GABBR2: variants seen among roughly 807,000 people sequenced by gnomAD.
GABBR2 encodes gamma-aminobutyric acid type B receptor subunit 2.
In GABBR2, 23 loss-of-function variants were observed where a neutral mutation model predicts 105.6. That is an observed-to-expected ratio of 0.22 (90% confidence interval 0.16 to 0.31). GABBR2 has a LOEUF of 0.31. Among genes scored for constraint, GABBR2 ranks in the 10% least tolerant of loss-of-function variants. The pLI is 1.00. For synonymous variants in GABBR2, 478 were observed against 499.7 expected, an observed-to-expected ratio of 0.96 and a Z score of 0.58; for missense variants, 734 against 1,245.5, an observed-to-expected ratio of 0.59 and a Z score of 6.18.
chr9:98,415,646 T>C (rs1258507898), intron 7 of GABBR2, among the ~76,000 whole-genome samples: 7 of 152,190 alleles, frequency 4.6e-5, no homozygotes, highest in Non-Finnish European at 1.5e-5. Context: ...TATTTAAGAT[T>C]TTTTTCCCCT....
intron 3 of GABBR2, among the ~76,000 whole-genome samples, chr9:98,539,546 C>T (rs147526463): frequency 1.3e-5 from 2 of 152,212 alleles, no homozygotes; most frequent in Admixed American, 6.5e-5. Flanking sequence ...CCTTAGTTTC[C>T]CCTTCTACAA....
At chr9:98,641,616 T>C (rs538471242) in intron 1 of GABBR2, among the ~76,000 whole-genome samples, 2 of 152,270 alleles carry the variant, frequency 1.3e-5, no homozygotes, top group South Asian at 2.1e-4. Flanking sequence ...ATAAAGTGAG[T>C]TCCTCTTCCT....
intron 1 of GABBR2, among the ~76,000 whole-genome samples, chr9:98,629,651 CT>C: frequency 6.6e-6 from 1 of 152,320 alleles, no homozygotes; most frequent in East Asian, 1.9e-4. Context: ...GAAAGCCATG[CT>C]GTATGGAATA....
chr9:98,606,949 C>T lies in GABBR2; in HGVS notation c.322-28877G>A, dbSNP rs542093260. The T allele has an allele frequency of 2.9e-5, 21 of 720,562 alleles. No individual in the cohort carries two copies. The African/African-American group carries it at 3.1e-4, about 11-fold the overall frequency. 44.6% of individuals were successfully genotyped at this position (720,562 alleles called of 1,614,324 possible). A position where few individuals can be genotyped will look rare whatever the true frequency, so the allele number is the denominator to read the frequency against. ...TAAGAATCATCTTCTTCCTGCTTGC[C>T]CGCGGCTCCGCCTGCATCCAAACCG... On this transcript the variant is annotated intron_variant, in intron 1 of 18. Transcript: ENST00000259455.
intron 1 of GABBR2, 116 bp downstream of exon 1, chr9:98,708,301 G>A (rs997501122): frequency 9.1e-7 from 1 of 1,100,082 alleles, no homozygotes; most frequent in African/African-American, 1.6e-5. Context: ...CTCTGCCCTC[G>A]GCAGGCGCGG....
intron 3 of GABBR2, among the ~76,000 whole-genome samples, chr9:98,537,577 G>C (rs1828207428): frequency 6.6e-6 from 1 of 152,108 alleles, no homozygotes. Flanking sequence ...GGGACTATAG[G>C]TGTGCACCAT....
Position 98,306,175 on chromosome 9 carries a change from A to C in GABBR2, c.2175T>G (p.Ala725=). ...DQPNVQFCIV[A]LVIIFCSTIT... ...TGGTGCTGCAGAAGATGATGACCAG[A>C]GCCACGATGCAGAACTGCACATTGG... The change falls in exon 15 of 19, where the codon GCT becomes GCG. Residue 725 remains alanine, a synonymous_variant. Coordinates refer to ENST00000259455, the MANE Select transcript of GABBR2 (RefSeq NM_005458.8). This position sits in a 1 kb window ranked among gnomAD's most constrained non-coding sequence, Gnocchi z 5.4. The C allele has an allele frequency of 6.2e-7, 1 of 1,614,194 alleles. No individual in the cohort carries two copies. The highest frequency in any genetic ancestry group is 8.5e-7 in the Non-Finnish European group (1 of 1,180,034).
chr9:98,412,097 C>T (rs1424223299), intron 7 of GABBR2, among the ~76,000 whole-genome samples: 3 of 152,210 alleles, frequency 2.0e-5, no homozygotes, highest in Non-Finnish European at 1.5e-5. Context: ...TGGGGCCTCT[C>T]TTTTTTCCTT....
chr9:98,410,120 A>ATTT (rs564055730), intron 7 of GABBR2, among the ~76,000 whole-genome samples: 1 of 147,270 alleles, frequency 6.8e-6, no homozygotes, highest in African/African-American at 2.5e-5. Context: ...TTGAGCTGGA[A>ATTT]TTTTTTTTTT....
chr9:98,329,704 C>A (rs767738982), intron 13 of GABBR2, among the ~76,000 whole-genome samples: 3 of 152,208 alleles, frequency 2.0e-5, no homozygotes, highest in Admixed American at 1.3e-4. Flanking sequence ...CTTTGTCTCT[C>A]CCACTCTCAT....
At chr9:98,427,012 CAAACA>C (rs1825705560) in intron 7 of GABBR2, among the ~76,000 whole-genome samples, 1 of 152,110 alleles carries the variant, frequency 6.6e-6, no homozygotes, top group East Asian at 1.9e-4. Flanking sequence ...CGAAAACAAA[CAAACA>C]AAAGAGACAG....
At chr9:98,325,889 T>A (rs921773951) in intron 13 of GABBR2, among the ~76,000 whole-genome samples, 1 of 152,226 alleles carries the variant, frequency 6.6e-6, no homozygotes, top group Non-Finnish European at 1.5e-5. Flanking sequence ...CACACACCTC[T>A]TTGGTGTTCT....
chr9:98,593,286 T>C (rs1162165163), intron 1 of GABBR2, among the ~76,000 whole-genome samples: 1 of 152,218 alleles, frequency 6.6e-6, no homozygotes, highest in Non-Finnish European at 1.5e-5. Context: ...CTGGGGCTTC[T>C]CAAGAGTGCT....
rs566006875 is a variant in GABBR2 at position 98,693,656 on chromosome 9, C to T, written c.321+14761G>A. Among the ~76,000 whole-genome samples the T allele has an allele frequency of 2.4e-4, 36 of 152,326 alleles. 1 individual carries two copies. Among genetic ancestry groups the T allele is most frequent in the African/African-American group, 7.9e-4 (33 of 41,568 alleles). On this transcript the variant is annotated intron_variant, in intron 1 of 18. Transcript: ENST00000259455. ...GGGGCTTTAGAATGTCATCTGAATA[C>T]GGAGCCAGACCAGAGCTCAGAGCTG...
chr9:98,486,409 T>C (rs1368756707), intron 4 of GABBR2, among the ~76,000 whole-genome samples: 1 of 152,146 alleles, frequency 6.6e-6, no homozygotes, highest in African/African-American at 2.4e-5. Flanking sequence ...CTGGTGTGCA[T>C]TTAAGAGTGC....
At chr9:98,317,315 C>T (rs1445017435) in intron 13 of GABBR2, among the ~76,000 whole-genome samples, 2 of 152,194 alleles carry the variant, frequency 1.3e-5, no homozygotes, top group African/African-American at 2.4e-5. Flanking sequence ...AAAGCCTCTC[C>T]CATCTGTGCG....
intron 4 of GABBR2, among the ~76,000 whole-genome samples, chr9:98,483,308 G>A (rs1826972579): frequency 2.0e-5 from 3 of 152,076 alleles, no homozygotes; most frequent in Non-Finnish European, 4.4e-5. Context: ...CCTGAGTTTG[G>A]TTACCATCAT....
At chr9:98,565,179 G>C (rs916243436) in intron 2 of GABBR2, among the ~76,000 whole-genome samples, 8 of 152,170 alleles carry the variant, frequency 5.3e-5, no homozygotes, top group Admixed American at 5.2e-4. Context: ...ACTTCCTGCA[G>C]AAGGGGTGTC....
intron 4 of GABBR2, among the ~76,000 whole-genome samples, chr9:98,494,316 G>C (rs973776679): frequency 3.9e-5 from 6 of 152,324 alleles, no homozygotes; most frequent in African/African-American, 1.4e-4. Flanking sequence ...GAGGAACAGG[G>C]ATTTCAATTT....
Sources: allele counts gnomAD v4.1 joint callset (sites outside exome capture counted in the v4.1 genomes callset), GRCh38; gene constraint gnomAD v4.1.1; non-coding constraint Gnocchi (gnomAD v3.1); transcripts MANE v1.5; gene names NCBI Gene and HGNC (gene_info 2026-07-23, HGNC 2026-07-21).